Variants in OSBPL5 observed in about 807,000 individuals in gnomAD.
The protein encoded by OSBPL5 is oxysterol binding protein like 5.
OSBPL5 carries 71 observed loss-of-function variants against 111.2 expected under a neutral mutation model. The observed-to-expected ratio is 0.64, with a 90% confidence interval of 0.53 to 0.78. OSBPL5 has a LOEUF of 0.78. OSBPL5 is among the 30% of genes least tolerant of loss of function. The pLI is 0.00. For missense variants in OSBPL5, 1,210 were observed against 1,189.3 expected, an observed-to-expected ratio of 1.02 and a Z score of -0.26; for synonymous variants, 549 against 513.9, an observed-to-expected ratio of 1.07 and a Z score of -0.93.
At position 3,106,960 on chromosome 11, in the gene OSBPL5, C is replaced by T. The variant is rs1458814481; in HGVS notation, c.1059+303G>A. ...GGGGTCAAGGGCCCCTCTTGAGCCT[C>T]CTGTTCTCCCATCAGCGCATTCCAG... On this transcript the variant is annotated intron_variant, in intron 9 of 21. Transcript: ENST00000263650. The surrounding 1 kb of genome is among the most constrained non-coding windows in gnomAD (Gnocchi z 8.4). 6.6e-6 allele frequency among the ~76,000 whole-genome samples: 1 copy of T among 152,188 alleles called. No individual in the cohort carries two copies. Among genetic ancestry groups the T allele is most frequent in the Non-Finnish European group, 1.5e-5 (1 of 68,028 alleles).
rs1857742158 is a variant in OSBPL5 at position 3,107,428 on chromosome 11, A to G, written c.894T>C (p.Asp298=). Residue 298 remains aspartate (D), a synonymous_variant, in exon 9 of 22, where the codon GAT becomes GAC. Coordinates refer to ENST00000263650, the MANE Select transcript of OSBPL5 (RefSeq NM_020896.4). The surrounding 1 kb of genome is among the most constrained non-coding windows in gnomAD (Gnocchi z 6.1). The stretch of plus-strand genomic sequence containing the variant: ...CTCTCTCCGACTTGTCTGAGAATGC[A>G]TCGTTCTCCAGGGAAGACCCGTTCA... ...FPLNGSSLEN[D]AFSDKSEREN... 1 of 1,613,962 alleles carries G rather than the reference A, an allele frequency of 6.2e-7. No homozygotes were observed. The highest frequency in any genetic ancestry group is 1.1e-5 in the South Asian group (1 of 91,082).
At chr11:3,119,855 T>C (rs1330933666) in intron 6 of OSBPL5, 3 of 524,300 alleles carry the variant, frequency 5.7e-6, no homozygotes, top group Non-Finnish European at 6.7e-6. Context: ...AGCTCTGCCC[T>C]CAGCTTTCCA....
rs1426050608 is a variant in OSBPL5, at chr11:3,104,696, T to C, written c.1060-319A>G. 6.6e-6 allele frequency among the ~76,000 whole-genome samples: 1 copy of C among 152,186 alleles called. No individual in the cohort carries two copies. The highest frequency in any genetic ancestry group is 1.5e-5 in the Non-Finnish European group (1 of 68,018). ...CCTCCCAACACCTGCTGTTGAAACCTGTCTGTGCATCGTGGGACCCTGGGC... is the reference window on the plus strand; with the variant it reads ...CCTCCCAACACCTGCTGTTGAAACCCGTCTGTGCATCGTGGGACCCTGGGC... On this transcript the variant is annotated intron_variant, in intron 9 of 21. Transcript: ENST00000263650. The surrounding 1 kb of genome is among the most constrained non-coding windows in gnomAD (Gnocchi z 5.0).
intron 1 of OSBPL5, among the ~76,000 whole-genome samples, chr11:3,136,412 CA>C (rs1845949204): frequency 1.3e-5 from 2 of 152,386 alleles, no homozygotes; most frequent in African/African-American, 4.8e-5. Context: ...GAACCTTGGC[CA>C]GGGGCAGACA....
intron 1 of OSBPL5, among the ~76,000 whole-genome samples, chr11:3,143,947 G>A (rs1022465241): frequency 1.3e-5 from 2 of 152,208 alleles, no homozygotes; most frequent in Non-Finnish European, 2.9e-5. Flanking sequence ...TGTGGTGGGA[G>A]CTATGGGGTG....
chr11:3,094,316 A>G lies in OSBPL5; in HGVS notation c.1640T>C (p.Met547Thr). 6.2e-7 allele frequency: 1 copy of G among 1,613,508 alleles called. No homozygotes were observed. Among genetic ancestry groups the G allele is most frequent in the Non-Finnish European group, 8.5e-7 (1 of 1,179,942 alleles). The change falls in exon 15 of 22, where the codon ATG becomes ACG. Residue 547 changes from methionine to threonine, a missense_variant. By Grantham distance (81) the Met-to-Thr change is moderately conservative (BLOSUM62 -1). Transcript: ENST00000263650. ...GACCTTCCCACCCAGCTCCAGGGTCATCGTGCCATACAGGATTCCTGAAAT... is the reference window on the plus strand; with the variant it reads ...GACCTTCCCACCCAGCTCCAGGGTCGTCGTGCCATACAGGATTCCTGAAAT... ...AHCKGILYGT[M>T]TLELGGKVTI...
At position 3,121,061 on chromosome 11, in the gene OSBPL5, CTT is replaced by C. The variant is rs34351257; in HGVS notation, c.403-439_403-438del. Reference sequence around the variant, plus strand: ...CTTGTAACTGGCAGCTTTGTAGATTCTTTTTTTTTTTTTTTTTGAGACAGAGT... The same window carrying C: ...CTTGTAACTGGCAGCTTTGTAGATTCTTTTTTTTTTTTTTTGAGACAGAGT... On this transcript the variant is annotated intron_variant, in intron 5 of 21. Coordinates refer to ENST00000263650, the MANE Select transcript of OSBPL5 (RefSeq NM_020896.4). The surrounding 1 kb of genome is among the most constrained non-coding windows in gnomAD (Gnocchi z 4.3). Among the ~76,000 whole-genome samples, 14 of 130,306 alleles carry C rather than the reference CTT, an allele frequency of 1.1e-4. No individual in the cohort carries two copies. The highest frequency in any genetic ancestry group is 2.4e-4 in the Admixed American group (3 of 12,598). The allele number at this position is 130,306 out of a possible 152,430, so 85.5% of individuals were successfully genotyped here. A position where few individuals can be genotyped will look rare whatever the true frequency, so the allele number is the denominator to read the frequency against.
chr11:3,101,828 C>T (rs1038625855), intron 12 of OSBPL5, 129 bp from the exon 13 acceptor site: 5 of 768,942 alleles, frequency 6.5e-6, no homozygotes, highest in East Asian at 2.7e-5. Context: ...TCCCAGGATT[C>T]GGGTAGGGGC....
At chr11:3,103,784 GTCCCTTCCTGCCTCTGCAGC>G (rs1857567204) in intron 10 of OSBPL5, among the ~76,000 whole-genome samples, 9 of 65,706 alleles carry the variant, frequency 1.4e-4, no homozygotes, top group Non-Finnish European at 2.0e-4. Context: ...AGCCTCTGCA[GTCCCTTCCTGCCTCTGCAGC>G]CCTCTTCCTG....
Position 3,105,583 on chromosome 11 carries a change from C to A in OSBPL5, c.1060-1206G>T, listed in dbSNP as rs142864084. Among the ~76,000 whole-genome samples the A allele has an allele frequency of 6.6e-6, 1 of 152,132 alleles. No individual in the cohort carries two copies. Among genetic ancestry groups the A allele is most frequent in the Admixed American group, 6.5e-5 (1 of 15,282 alleles). On this transcript the variant is annotated intron_variant, in intron 9 of 21. Coordinates refer to ENST00000263650, the MANE Select transcript of OSBPL5 (RefSeq NM_020896.4). This position sits in a 1 kb window ranked among gnomAD's most constrained non-coding sequence, Gnocchi z 5.2. ...GTCTTCTCTACTGAGACTGTCTTGCCGTAGGTCCCCACCACTCCTCACTGG... is the reference window on the plus strand; with the variant it reads ...GTCTTCTCTACTGAGACTGTCTTGCAGTAGGTCCCCACCACTCCTCACTGG...
At position 3,092,369 on chromosome 11, in the gene OSBPL5, G is replaced by T. The variant is rs1312242323; in HGVS notation, c.2259+63C>A. ...AAGGGAGGAGTGAGGTGAGGAGCGAGGGGTGGTGGTGGCCACACGTGCAGC... is the reference window on the plus strand; with the variant it reads ...AAGGGAGGAGTGAGGTGAGGAGCGATGGGTGGTGGTGGCCACACGTGCAGC... On this transcript the variant is annotated intron_variant, in intron 19 of 21. Coordinates refer to ENST00000263650, the MANE Select transcript of OSBPL5 (RefSeq NM_020896.4). The surrounding 1 kb of genome is among the most constrained non-coding windows in gnomAD (Gnocchi z 5.4). 3 of 1,499,850 alleles carry T rather than the reference G, an allele frequency of 2.0e-6. No individual in the cohort carries two copies. Among genetic ancestry groups the T allele is most frequent in the Non-Finnish European group, 2.7e-6 (3 of 1,119,608 alleles). 92.9% of individuals were successfully genotyped at this position (1,499,850 alleles called of 1,614,324 possible). A position where few individuals can be genotyped will look rare whatever the true frequency, so the allele number is the denominator to read the frequency against.
At position 3,119,950 on chromosome 11, in the gene OSBPL5, A is replaced by G. The variant is rs1191615920; in HGVS notation, c.607-319T>C. ...ATGATGTTCGAATCCCAGAGAAACCATGAGTAGCTTTTTGGTGTAAGTATT... is the reference window on the plus strand; with the variant it reads ...ATGATGTTCGAATCCCAGAGAAACCGTGAGTAGCTTTTTGGTGTAAGTATT... On this transcript the variant is annotated intron_variant, in intron 6 of 21. Coordinates refer to ENST00000263650, the MANE Select transcript of OSBPL5 (RefSeq NM_020896.4). 4 of 438,722 alleles carry G rather than the reference A, an allele frequency of 9.1e-6. No individual in the cohort carries two copies. The East Asian group carries it at 1.3e-4, about 14-fold the overall frequency. The allele number at this position is 438,722 out of a possible 1,614,324, so 27.2% of individuals were successfully genotyped here.
At chr11:3,118,107 C>A (rs564116987) in intron 7 of OSBPL5, among the ~76,000 whole-genome samples, 153 of 152,286 alleles carry the variant, frequency 1.0e-3, no homozygotes, top group African/African-American at 3.6e-3. Context: ...GAACCTGAGA[C>A]CAGAGACTCG....
intron 1 of OSBPL5, among the ~76,000 whole-genome samples, chr11:3,148,712 AGAG>A (rs1846457175): frequency 6.6e-6 from 1 of 152,228 alleles, no homozygotes. Context: ...TGGAGTTTTA[AGAG>A]GAGAATTTTG....
At chr11:3,095,474 G>A (rs944225567) in intron 14 of OSBPL5, among the ~76,000 whole-genome samples, 2 of 152,260 alleles carry the variant, frequency 1.3e-5, no homozygotes, top group African/African-American at 4.8e-5. Context: ...TGCACACATG[G>A]TCAGGGCAGA....
Position 3,121,880 on chromosome 11 carries a change from G to T in OSBPL5, c.402+117C>A. ...AAGGAGCAGAGGCTGCAGTGATAACGGCTAGATGCAGGGAAGTGAATTTCC... is the reference window on the plus strand; with the variant it reads ...AAGGAGCAGAGGCTGCAGTGATAACTGCTAGATGCAGGGAAGTGAATTTCC... On this transcript the variant is annotated intron_variant, in intron 5 of 21. Transcript: ENST00000263650. This position sits in a 1 kb window ranked among gnomAD's most constrained non-coding sequence, Gnocchi z 4.3. 1 of 862,668 alleles carries T rather than the reference G, an allele frequency of 1.2e-6. No homozygotes were observed. The highest frequency in any genetic ancestry group is 1.6e-5 in the South Asian group (1 of 63,558). 53.4% of individuals were successfully genotyped at this position (862,668 alleles called of 1,614,324 possible). A position where few individuals can be genotyped will look rare whatever the true frequency, so the allele number is the denominator to read the frequency against.
chr11:3,153,998 A>C (rs753732001), intron 1 of OSBPL5, among the ~76,000 whole-genome samples: 1 of 152,190 alleles, frequency 6.6e-6, no homozygotes, highest in Non-Finnish European at 1.5e-5. Flanking sequence ...TCAGCCCCGC[A>C]CACACAGCAG....
intron 7 of OSBPL5, among the ~76,000 whole-genome samples, chr11:3,116,366 G>C (rs1858207824): frequency 1.3e-5 from 2 of 152,164 alleles, no homozygotes; most frequent in Non-Finnish European, 2.9e-5. Flanking sequence ...TCATTGTCTT[G>C]TTTTGGTCCT....
chr11:3,124,543 C>T (rs1323761273), intron 3 of OSBPL5, among the ~76,000 whole-genome samples: 3 of 152,178 alleles, frequency 2.0e-5, no homozygotes, highest in African/African-American at 7.2e-5. Flanking sequence ...ATGCTTTTCC[C>T]TGTGGCTGGG....
Sources: allele counts gnomAD v4.1 joint callset (sites outside exome capture counted in the v4.1 genomes callset), GRCh38; gene constraint gnomAD v4.1.1; non-coding constraint Gnocchi (gnomAD v3.1); transcripts MANE v1.5; gene names NCBI Gene and HGNC (gene_info 2026-07-23, HGNC 2026-07-21).